The following WSB1 variants were observed in gnomAD, a reference collection of about 807,000 sequenced individuals.
WSB1 encodes WD repeat and SOCS box containing 1.
Under a neutral mutation model 50.2 loss-of-function variants are expected in WSB1, and 23 were observed. The ratio of observed to expected loss-of-function variants is 0.46; its 90% CI spans 0.33 to 0.65. WSB1 has a LOEUF of 0.65. WSB1 is among the 30% of genes least tolerant of loss of function. The probability of loss-of-function intolerance (pLI) is 0.02; values close to 1 mark genes in which losing one functional copy is unlikely to be tolerated. For missense variants in WSB1, 492 were observed against 522.3 expected, an observed-to-expected ratio of 0.94 and a Z score of 0.56; for synonymous variants, 179 against 172.0, an observed-to-expected ratio of 1.04 and a Z score of -0.32.
In WSB1 at chr17:27,312,288, C is replaced by G. The variant is rs779853252; in HGVS notation, c.1185C>G (p.Ile395Met). 1.2e-6 allele frequency: 2 copies of G among 1,614,176 alleles called. No individual in the cohort carries two copies. Among genetic ancestry groups the G allele is most frequent in the Admixed American group, 1.7e-5 (1 of 60,004 alleles). Residue 395 changes from isoleucine to methionine, a missense_variant, in exon 9 of 9, where the codon ATC (isoleucine) becomes ATG (methionine). Physicochemically the swap from Ile to Met is conservative, Grantham distance 10 (BLOSUM62 1). Transcript: ENST00000262394. ...TGCAACATTTATGTCGCATGTCAAT[C>G]CGAAGAGTGATGCCCACCCAAGAAG... ...PSLQHLCRMSIRRVMPTQEVQ... is the reference protein window; with the variant it reads ...PSLQHLCRMSMRRVMPTQEVQ...
intron 2 of WSB1, chr17:27,302,914 C>G (rs998468628): frequency 3.1e-5 from 5 of 160,242 alleles, no homozygotes; most frequent in African/African-American, 1.2e-4. Flanking sequence ...TTACATATAA[C>G]TTGAGGTCTG....
chr17:27,299,046 G>T (rs891299402), intron 1 of WSB1, among the ~76,000 whole-genome samples: 1 of 152,110 alleles, frequency 6.6e-6, no homozygotes, highest in African/African-American at 2.4e-5. Context: ...AAAAAATTAA[G>T]CAGGCAGGGG....
chr17:27,311,850 C>T (rs1567694329), intron 8 of WSB1, among the ~76,000 whole-genome samples: 1 of 151,942 alleles, frequency 6.6e-6, no homozygotes, highest in African/African-American at 2.4e-5. Flanking sequence ...CCATGTTCGC[C>T]TGGCTGGTCT....
chr17:27,309,962 T>C, intron 6 of WSB1, 99 bp from the exon 7 acceptor site: 1 of 852,920 alleles, frequency 1.2e-6, no homozygotes, highest in Middle Eastern at 2.9e-4. Context: ...TAATTAAGGC[T>C]ACTTTAAACA....
chr17:27,308,957 GAC>G, intron 5 of WSB1, 141 bp from the exon 6 acceptor site: 1 of 1,292,910 alleles, frequency 7.7e-7, no homozygotes, highest in South Asian at 2.5e-5. Flanking sequence ...ATCTGACTAT[GAC>G]ACTGAGCATA....
chr17:27,294,237 C>A lies in WSB1; in HGVS notation c.-159C>A. ...GGTCTGAGGCCTTCGGGAGCTTTCCCGAGGCAGTTAGCAGAAGCCGCAGCG... is the reference window on the plus strand; with the variant it reads ...GGTCTGAGGCCTTCGGGAGCTTTCCAGAGGCAGTTAGCAGAAGCCGCAGCG... On this transcript the variant is annotated 5_prime_UTR_variant, in exon 1 of 9. Transcript: ENST00000262394. 1 of 957,706 alleles carries A rather than the reference C, an allele frequency of 1.0e-6. No homozygotes were observed. The highest frequency in any genetic ancestry group is 1.6e-6 in the Non-Finnish European group (1 of 643,880). 59.3% of individuals were successfully genotyped at this position (957,706 alleles called of 1,614,324 possible).
At chr17:27,301,178 A>G (rs1358763856) in intron 1 of WSB1, among the ~76,000 whole-genome samples, 1 of 152,130 alleles carries the variant, frequency 6.6e-6, no homozygotes. Flanking sequence ...GCGGCCTATA[A>G]TGCCTTTTTA....
rs1223172744 is a variant in WSB1 at position 27,294,563 on chromosome 17, G to A, written c.40+128G>A. 9.7e-6 allele frequency: 13 copies of A among 1,345,386 alleles called. No individual in the cohort carries two copies. In the East Asian group the frequency reaches 3.1e-4, roughly 32 times the overall value. 83.3% of individuals were successfully genotyped at this position (1,345,386 alleles called of 1,614,324 possible). On this transcript the variant is annotated intron_variant, in intron 1 of 8. Coordinates refer to ENST00000262394, the MANE Select transcript of WSB1 (RefSeq NM_015626.10). ...CCAGTGCGCCAGGGCCAGCCCACTA[G>A]CGAGGAGGAGGAAGCCGCCTCGGTG...
chr17:27,299,466 G>T (rs1418618897), intron 1 of WSB1, among the ~76,000 whole-genome samples: 4 of 152,194 alleles, frequency 2.6e-5, no homozygotes, highest in Non-Finnish European at 4.4e-5. Context: ...CGCAGTTATT[G>T]TGCTACTGCG....
chr17:27,302,513 G>C (rs1002311233), intron 2 of WSB1: 10 of 151,352 alleles, frequency 6.6e-5, no homozygotes, highest in African/African-American at 2.4e-4. Context: ...TATATATATA[G>C]TGTTGTGCCA....
At chr17:27,311,334 A>G (rs1308065662) in intron 7 of WSB1, among the ~76,000 whole-genome samples, 175 bp from the exon 8 acceptor site, 2 of 152,230 alleles carry the variant, frequency 1.3e-5, no homozygotes, top group East Asian at 1.9e-4. Flanking sequence ...ACCAACTGAT[A>G]TTATAGACCT....
At chr17:27,298,126 GAAAAAAAAAAA>G (rs35222722) in intron 1 of WSB1, among the ~76,000 whole-genome samples, 16 of 74,204 alleles carry the variant, frequency 2.2e-4, no homozygotes, top group Admixed American at 5.3e-4. Context: ...CTCCGTCTCA[GAAAAAAAAAAA>G]AAAAAAAAAA....
At chr17:27,297,362 T>A (rs1333042930) in intron 1 of WSB1, 1 of 151,960 alleles carries the variant, frequency 6.6e-6, no homozygotes, top group Non-Finnish European at 1.5e-5. Flanking sequence ...AGATGGGGGG[T>A]TTCACCATGT....
chr17:27,308,913 A>T, intron 5 of WSB1, 187 bp from the exon 6 acceptor site: 1 of 1,211,368 alleles, frequency 8.3e-7, no homozygotes, highest in South Asian at 3.8e-5. Context: ...TAGAATTTGC[A>T]TGTCTGCCTT....
At chr17:27,294,509 GAAGCGACTCC>G in intron 1 of WSB1, 74 bp downstream of exon 1, 1 of 1,583,044 alleles carries the variant, frequency 6.3e-7, no homozygotes, top group Non-Finnish European at 8.6e-7. Flanking sequence ...GGTTTGGGAG[GAAGCGACTCC>G]AAGTCTGAGG....
chr17:27,295,518 G>GT (rs1472766458), intron 1 of WSB1, among the ~76,000 whole-genome samples: 2 of 151,562 alleles, frequency 1.3e-5, no homozygotes, highest in East Asian at 3.9e-4. Flanking sequence ...TTTAACCCTG[G>GT]TTTTAATAAC....
chr17:27,303,668 T>G, intron 3 of WSB1, 33 bp downstream of exon 3: 1 of 1,603,690 alleles, frequency 6.2e-7, no homozygotes, highest in Non-Finnish European at 8.5e-7. Context: ...GCAAATGTAT[T>G]ATTTTATGAT....
chr17:27,310,316 C>T (rs1174748082), intron 7 of WSB1, 142 bp downstream of exon 7: 12 of 679,960 alleles, frequency 1.8e-5, no homozygotes, highest in Non-Finnish European at 3.0e-5. Context: ...TAAAGAATAT[C>T]GGCCTGAACA....
In WSB1 at chr17:27,294,284, T is replaced by C. The variant is rs1159810738; in HGVS notation, c.-112T>C. On this transcript the variant is annotated 5_prime_UTR_variant, in exon 1 of 9. Transcript: ENST00000262394. ...AGCGGCCGCCCCCGCCCGTCTCCTC[T>C]GTCCCTGGGCCCGGGAGGGACCAAC... 1.4e-6 allele frequency: 2 copies of C among 1,450,254 alleles called. No homozygotes were observed. The highest frequency in any genetic ancestry group is 4.7e-5 in the East Asian group (2 of 42,112). 89.8% of individuals were successfully genotyped at this position (1,450,254 alleles called of 1,614,324 possible). A position where few individuals can be genotyped will look rare whatever the true frequency, so the allele number is the denominator to read the frequency against.
Sources: allele counts gnomAD v4.1 joint callset (sites outside exome capture counted in the v4.1 genomes callset), GRCh38; gene constraint gnomAD v4.1.1; transcripts MANE v1.5; gene names NCBI Gene and HGNC (gene_info 2026-07-23, HGNC 2026-07-21).